Variants in AATF observed in about 807,000 individuals in gnomAD.
AATF encodes the protein protein AATF.
Under a neutral mutation model 63.7 loss-of-function variants are expected in AATF, and 48 were observed. The ratio of observed to expected loss-of-function variants is 0.75; its 90% confidence interval spans 0.60 to 0.96. The LOEUF (loss-of-function observed/expected upper bound fraction) is 0.96. AATF is among the 40% of genes least tolerant of loss of function. The pLI is 0.00. For missense variants in AATF, 639 were observed against 685.7 expected (o/e 0.93, Z 0.76); for synonymous variants, 258 against 247.7 (o/e 1.04, Z -0.39).
At position 36,986,710 on chromosome 17, in the gene AATF, G is replaced by A; in HGVS notation, c.926G>A (p.Gly309Glu). ...QYPDTRYLVD[G>E]TKPNAGSEEI... is the part of the protein sequence containing the mutation. ...CCAGACACTAGATATCTAGTAGATGGGACAAAGCCCAATGCGGGAAGGTAA... is the reference window on the plus strand; with the variant it reads ...CCAGACACTAGATATCTAGTAGATGAGACAAAGCCCAATGCGGGAAGGTAA... Residue 309 changes from glycine (G) to glutamate (E), a missense_variant, in exon 5 of 12, where the codon GGG becomes GAG. By Grantham distance (98) the Gly-to-Glu change is moderately conservative. Transcript: ENST00000619387. 1 of 1,613,988 alleles carries A rather than the reference G, an allele frequency of 6.2e-7. No individual in the cohort carries two copies. Among genetic ancestry groups the A allele is most frequent in the Non-Finnish European group, 8.5e-7 (1 of 1,179,934 alleles).
chr17:36,950,892 A>G (rs959114371), intron 2 of AATF, among the ~76,000 whole-genome samples: 1 of 152,200 alleles, frequency 6.6e-6, no homozygotes, highest in Non-Finnish European at 1.5e-5. Flanking sequence ...CATTTTGGCT[A>G]CTGGAGAGGG....
intron 8 of AATF, among the ~76,000 whole-genome samples, chr17:37,002,201 CAAA>C (rs34123922): frequency 4.8e-4 from 37 of 76,436 alleles, no homozygotes; most frequent in Admixed American, 2.5e-3. Flanking sequence ...GACTCCGTCT[CAAA>C]AAAAAAAAAA....
chr17:36,982,595 A>G (rs2071135615), intron 4 of AATF, among the ~76,000 whole-genome samples: 1 of 151,398 alleles, frequency 6.6e-6, no homozygotes, highest in African/African-American at 2.4e-5. Context: ...CCTCGTGACC[A>G]CCCGTCTCAG....
intron 8 of AATF, among the ~76,000 whole-genome samples, chr17:37,010,241 T>C (rs2071379961): frequency 6.6e-6 from 1 of 151,828 alleles, no homozygotes; most frequent in Non-Finnish European, 1.5e-5. Context: ...GATCACGAGG[T>C]CAGGAGCTCC....
At chr17:37,018,810 A>C (rs972745605) in intron 8 of AATF, 195 bp from the exon 9 acceptor site, 12 of 587,648 alleles carry the variant, frequency 2.0e-5, no homozygotes, top group African/African-American at 5.6e-5. Flanking sequence ...AGCTACTGCT[A>C]TAGCCACCTT....
chr17:36,992,988 C>G (rs991638943), intron 8 of AATF, among the ~76,000 whole-genome samples: 1 of 152,180 alleles, frequency 6.6e-6, no homozygotes, highest in Non-Finnish European at 1.5e-5. Flanking sequence ...TTCCAGATTG[C>G]TTTGCTGCTA....
intron 1 of AATF, 25 bp downstream of exon 1, chr17:36,949,241 C>T (rs1318138421): frequency 7.7e-6 from 12 of 1,567,782 alleles, no homozygotes; most frequent in South Asian, 2.3e-5. Context: ...GGGCAGGCCA[C>T]GTGCGGAGCG....
chr17:36,963,463 A>G (rs2070965206), intron 4 of AATF, among the ~76,000 whole-genome samples: 1 of 152,332 alleles, frequency 6.6e-6, no homozygotes, highest in Non-Finnish European at 1.5e-5. Context: ...CATTATGTAC[A>G]ATATAAGGGA....
chr17:37,055,204 G>A (rs1310403073), intron 11 of AATF: 1 of 152,246 alleles, frequency 6.6e-6, no homozygotes, highest in East Asian at 1.9e-4. Context: ...TAAAATTCCT[G>A]TAATAAAATT....
chr17:37,051,459 G>C (rs1290766572), intron 11 of AATF, among the ~76,000 whole-genome samples: 2 of 152,140 alleles, frequency 1.3e-5, no homozygotes, highest in African/African-American at 4.8e-5. Flanking sequence ...ACAGTGATCT[G>C]TATTGTGGTG....
At chr17:37,002,817 T>C (rs1341774735) in intron 8 of AATF, among the ~76,000 whole-genome samples, 1 of 151,834 alleles carries the variant, frequency 6.6e-6, no homozygotes, top group African/African-American at 2.4e-5. Context: ...TGTCCATGGA[T>C]TAGAAGACTT....
chr17:37,032,555 AC>A (rs2071559747), intron 11 of AATF, among the ~76,000 whole-genome samples: 1 of 152,192 alleles, frequency 6.6e-6, no homozygotes, highest in Non-Finnish European at 1.5e-5. Flanking sequence ...AGATCTAGGT[AC>A]TAGGGGTGCT....
intron 4 of AATF, among the ~76,000 whole-genome samples, chr17:36,972,620 A>G (rs1032001060): frequency 6.6e-6 from 1 of 152,088 alleles, no homozygotes; most frequent in Non-Finnish European, 1.5e-5. Context: ...GTGTATAGAA[A>G]GTGTTTTTTT....
intron 2 of AATF, among the ~76,000 whole-genome samples, chr17:36,951,765 T>C (rs896820236): frequency 1.3e-5 from 2 of 152,266 alleles, no homozygotes; most frequent in African/African-American, 4.8e-5. Flanking sequence ...TTCTGTTTAC[T>C]GTTTTGGCAC....
chr17:36,951,277 G>C (rs1279059837), intron 2 of AATF, among the ~76,000 whole-genome samples: 3 of 152,014 alleles, frequency 2.0e-5, no homozygotes, highest in Non-Finnish European at 4.4e-5. Context: ...ATGTAGTTCT[G>C]GGAGCTCCTG....
intron 11 of AATF, among the ~76,000 whole-genome samples, chr17:37,036,247 C>A (rs2071591174): frequency 6.6e-6 from 1 of 152,184 alleles, no homozygotes. Flanking sequence ...TTTACCCTTC[C>A]ACACGTGCCT....
chr17:36,994,831 G>A (rs2071242019), intron 8 of AATF, among the ~76,000 whole-genome samples: 1 of 152,094 alleles, frequency 6.6e-6, no homozygotes, highest in Non-Finnish European at 1.5e-5. Flanking sequence ...AAAGAATCAG[G>A]GAAGGACCAG....
Position 37,056,688 on chromosome 17 carries a change from T to C in AATF, c.*24T>C. On this transcript the variant is annotated 3_prime_UTR_variant, in exon 12 of 12. Transcript: ENST00000619387. ...GACATCGCCCACCTCCGACACCCAG[T>C]GGGCGCCTTGGCTGGTGCGGCTGCT... 1 of 1,613,852 alleles carries C rather than the reference T, an allele frequency of 6.2e-7. No homozygotes were observed. Among genetic ancestry groups the C allele is most frequent in the East Asian group, 2.2e-5 (1 of 44,886 alleles).
intron 4 of AATF, among the ~76,000 whole-genome samples, chr17:36,956,071 G>C (rs1386767393): frequency 1.3e-5 from 2 of 152,094 alleles, no homozygotes; most frequent in African/African-American, 4.8e-5. Flanking sequence ...AACTCATTTA[G>C]TGTCTTTAAT....
Sources: gnomAD v4.1 joint callset for allele counts (sites outside exome capture counted in the v4.1 genomes callset) on GRCh38, gnomAD v4.1.1 for gene constraint, MANE v1.5 for transcripts, NCBI Gene and HGNC (gene_info 2026-07-23, HGNC 2026-07-21) for gene names.